TFDP2: variants seen among roughly 807,000 people sequenced by gnomAD.
The protein encoded by TFDP2 is transcription factor Dp-2 (E2F dimerization partner 2).
TFDP2 carries 17 observed loss-of-function variants against 59.3 expected under a neutral mutation model. The ratio of observed to expected loss-of-function variants is 0.29; its 90% CI spans 0.20 to 0.43. The LOEUF (loss-of-function observed/expected upper bound fraction) is 0.43, where lower values mean the gene tolerates loss of function less well. TFDP2 is among the 20% of genes least tolerant of loss of function. The pLI is 1.00. For synonymous variants in TFDP2, 180 were observed against 194.7 expected (o/e 0.92, Z 0.63); for missense variants, 391 against 528.8 (o/e 0.74, Z 2.56).
chr3:142,028,527 T>C, intron 3 of TFDP2: 1 of 977,502 alleles, frequency 1.0e-6, no homozygotes, highest in Non-Finnish European at 1.2e-6. Flanking sequence ...GAATATAAAA[T>C]AAGAGCTGTA....
At chr3:142,127,424 A>G (rs1380918521) in intron 1 of TFDP2, among the ~76,000 whole-genome samples, 1 of 149,896 alleles carries the variant, frequency 6.7e-6, no homozygotes, top group East Asian at 2.0e-4. Flanking sequence ...ATCCTGCTTC[A>G]GCCTCCCCAG....
chr3:141,965,120 T>G (rs1351768244), intron 9 of TFDP2, among the ~76,000 whole-genome samples: 1 of 152,022 alleles, frequency 6.6e-6, no homozygotes, highest in African/African-American at 2.4e-5. Flanking sequence ...ACGATAGAAT[T>G]TCACAGCTAG....
In TFDP2 at chr3:142,073,466, C is replaced by A. The variant is rs577155773; in HGVS notation, c.82+19595G>T. On this transcript the variant is annotated intron_variant, in intron 3 of 12. Coordinates refer to ENST00000489671, the MANE Select transcript of TFDP2 (RefSeq NM_001178139.2). ...TAAAAACAAACAAACAACCCCCCCCCCCCCGCAAAAAAAAAAAATAAAAAA... is the reference window on the plus strand; with the variant it reads ...TAAAAACAAACAAACAACCCCCCCCACCCCGCAAAAAAAAAAAATAAAAAA... 1.6e-4 allele frequency among the ~76,000 whole-genome samples: 12 copies of A among 74,832 alleles called. 4 individuals are homozygous for A. The highest frequency in any genetic ancestry group is 5.4e-4 in the East Asian group (1 of 1,864). The allele number at this position is 74,832 out of a possible 152,430, so 49.1% of individuals were successfully genotyped here.
chr3:142,134,785 A>C (rs1158778081), intron 1 of TFDP2, among the ~76,000 whole-genome samples: 1 of 152,080 alleles, frequency 6.6e-6, no homozygotes, highest in Non-Finnish European at 1.5e-5. Flanking sequence ...ACCTAGATAC[A>C]TAGTCTATCA....
chr3:142,079,256 T>C (rs1483925672), intron 3 of TFDP2, among the ~76,000 whole-genome samples: 2 of 151,988 alleles, frequency 1.3e-5, no homozygotes, highest in African/African-American at 2.4e-5. Flanking sequence ...TGAGCTGAGA[T>C]TGCGCCATTG....
At position 141,963,923 on chromosome 3, in the gene TFDP2, T is replaced by C; in HGVS notation, c.773A>G (p.Asn258Ser). The part of the protein sequence containing the change: ...FKNLVQRNRQ[N>S]EQQNQGPPAL... ...CGGCGGGCCCTGGTTTTGCTGCTCA[T>C]TTTGTCGATTTCTCTGTACCAGGTT... is the stretch of plus-strand genomic sequence containing the variant. Residue 258 changes from asparagine (N) to serine (S), a missense_variant, in exon 10 of 13, where the codon AAT (asparagine) becomes AGT (serine). Asn to Ser is a conservative substitution (Grantham distance 46). This residue lies in a region of TFDP2 where 223 missense variants were observed against 292.5 expected (regional missense o/e 0.76). Transcript: ENST00000489671. The C allele has an allele frequency of 6.2e-7, 1 of 1,613,806 alleles. No individual in the cohort carries two copies.
At chr3:142,024,779 G>A (rs1945931725) in intron 3 of TFDP2, among the ~76,000 whole-genome samples, 1 of 152,148 alleles carries the variant, frequency 6.6e-6, no homozygotes, top group South Asian at 2.1e-4. Context: ...CAGCACTTTG[G>A]GAGGTCGAGG....
chr3:142,011,927 G>C (rs1353177192), intron 3 of TFDP2, among the ~76,000 whole-genome samples: 5 of 152,028 alleles, frequency 3.3e-5, no homozygotes, highest in Non-Finnish European at 7.4e-5. Context: ...ATTTTAATTA[G>C]AGAGGAATAA....
In TFDP2 at chr3:141,963,998, T is replaced by C. The variant is rs779036529; in HGVS notation, c.733-35A>G. The C allele has an allele frequency of 1.9e-6, 3 of 1,579,096 alleles. No homozygotes were observed. The South Asian group carries it at 3.5e-5, about 18-fold the overall frequency. On this transcript the variant is annotated intron_variant, in intron 9 of 12. Transcript: ENST00000489671. ...TCAATAAAAACAATATGGTCAATTG[T>C]GCATAAGTGAGTTGGAATTTAAAAG...
chr3:142,092,121 A>G (rs1413888664), intron 3 of TFDP2, among the ~76,000 whole-genome samples: 1 of 152,190 alleles, frequency 6.6e-6, no homozygotes, highest in Non-Finnish European at 1.5e-5. Context: ...CAAATAATCA[A>G]CTTAAGACAA....
chr3:141,959,929 G>A (rs995973557), intron 10 of TFDP2, 89 bp from the exon 11 acceptor site: 42 of 1,315,862 alleles, frequency 3.2e-5, no homozygotes, highest in Non-Finnish European at 4.0e-5. Flanking sequence ...ACAGAATGGG[G>A]GCCTAAATCC....
intron 1 of TFDP2, among the ~76,000 whole-genome samples, chr3:142,106,301 C>T (rs2061471166): frequency 6.6e-6 from 1 of 152,114 alleles, no homozygotes; most frequent in South Asian, 2.1e-4. Flanking sequence ...AATAAAGTTA[C>T]ATTAAGATAG....
At chr3:142,143,630 G>A (rs536146230) in intron 1 of TFDP2, among the ~76,000 whole-genome samples, 17 of 152,230 alleles carry the variant, frequency 1.1e-4, no homozygotes, top group Admixed American at 5.2e-4. Context: ...CATACAAATG[G>A]CAAATAGTCA....
At chr3:141,967,204 T>C (rs4683414) in intron 9 of TFDP2, among the ~76,000 whole-genome samples, 11,325 of 151,702 alleles carry the variant, frequency 0.075, 527 homozygotes, top group Non-Finnish European at 0.11. Flanking sequence ...AGTAAGCCAC[T>C]GTGCCTGGCT....
At chr3:141,973,093 G>GTATATATATATATATATA (rs1553761666) in intron 8 of TFDP2, among the ~76,000 whole-genome samples, 9 of 103,164 alleles carry the variant, frequency 8.7e-5, no homozygotes, top group East Asian at 2.8e-4. Context: ...AAAGCTATGT[G>GTATATATATATATATATA]TATATATATA....
At chr3:142,044,798 G>A (rs1306527364) in intron 3 of TFDP2, among the ~76,000 whole-genome samples, 1 of 152,050 alleles carries the variant, frequency 6.6e-6, no homozygotes, top group Non-Finnish European at 1.5e-5. Flanking sequence ...TCAAATCTGA[G>A]ACCTCCTTCT....
chr3:142,007,441 C>T (rs1944307839), intron 3 of TFDP2, among the ~76,000 whole-genome samples: 1 of 152,138 alleles, frequency 6.6e-6, no homozygotes, highest in Non-Finnish European at 1.5e-5. Context: ...TTGTTATTTC[C>T]TTATTCTAGT....
At chr3:142,082,822 G>A (rs973166434) in intron 3 of TFDP2, among the ~76,000 whole-genome samples, 6 of 152,158 alleles carry the variant, frequency 3.9e-5, no homozygotes, top group African/African-American at 9.6e-5. Flanking sequence ...ATTCAACATC[G>A]CTTCATGATA....
At chr3:142,084,835 C>T (rs995692188) in intron 3 of TFDP2, among the ~76,000 whole-genome samples, 6 of 151,650 alleles carry the variant, frequency 4.0e-5, no homozygotes, top group Non-Finnish European at 7.4e-5. Flanking sequence ...AACATAGTGG[C>T]GTGGCAGGGA....
Sources: gnomAD v4.1 joint callset for allele counts (sites outside exome capture counted in the v4.1 genomes callset) on GRCh38, gnomAD v4.1.1 for gene constraint, gnomAD v4.1.1 regional missense constraint, MANE v1.5 for transcripts, NCBI Gene and HGNC (gene_info 2026-07-23, HGNC 2026-07-21) for gene names.